NPR3: variants seen among roughly 807,000 people sequenced by gnomAD.
The protein encoded by NPR3 is atrial natriuretic peptide receptor 3.
In NPR3, 34 loss-of-function variants were observed where a neutral mutation model predicts 54.5. The observed-to-expected ratio is 0.62, with a 90% CI of 0.47 to 0.83. The LOEUF is 0.83. Ranked by LOEUF, NPR3 falls within the 40% of genes least tolerant of loss-of-function variation. The pLI is 0.00. For synonymous variants in NPR3, 289 were observed against 297.1 expected (o/e 0.97, Z 0.28); for missense variants, 674 against 720.8 (o/e 0.94, Z 0.74).
chr5:32,748,655 ACAG>A (rs1339393090), intron 3 of NPR3, among the ~76,000 whole-genome samples: 1 of 152,166 alleles, frequency 6.6e-6, no homozygotes, highest in African/African-American at 2.4e-5. Flanking sequence ...ATGTCAGCTG[ACAG>A]GGAAAGGGAC....
At chr5:32,756,998 T>G (rs942801363) in intron 3 of NPR3, among the ~76,000 whole-genome samples, 2 of 152,260 alleles carry the variant, frequency 1.3e-5, no homozygotes, top group African/African-American at 4.8e-5. Context: ...GCTGTTTTGG[T>G]TACTGTAGCC....
Position 32,738,866 on chromosome 5 carries a change from G to A in NPR3, c.895G>A (p.Asp299Asn), listed in dbSNP as rs1322446173. Residue 299 changes from aspartate to asparagine, a missense_variant and splice_region_variant, in exon 3 of 8, where the codon GAT becomes AAT. Coordinates refer to ENST00000265074, the MANE Select transcript of NPR3 (RefSeq NM_001204375.2). ...IELFNSSSYGDGSWKRGDKHD... is the reference protein window; with the variant it reads ...IELFNSSSYGNGSWKRGDKHD... The stretch of plus-strand genomic sequence containing the variant: ...AAATATTTTTATTTCTTCCATAGGA[G>A]ATGGCTCATGGAAGAGAGGAGACAA... 2 of 1,612,364 alleles carry A rather than the reference G, an allele frequency of 1.2e-6. No homozygotes were observed. The highest frequency in any genetic ancestry group is 2.7e-5 in the African/African-American group (2 of 74,874).
At chr5:32,724,915 C>A in intron 2 of NPR3, 95 bp downstream of exon 2, 1 of 1,325,114 alleles carries the variant, frequency 7.5e-7, no homozygotes, top group Non-Finnish European at 1.1e-6. Flanking sequence ...ATATGTGGTA[C>A]ATAAACACCA....
chr5:32,697,684 T>C (rs1481829721), intron 1 of NPR3, among the ~76,000 whole-genome samples: 1 of 152,106 alleles, frequency 6.6e-6, no homozygotes, highest in Admixed American at 6.5e-5. Flanking sequence ...TATTGGTCTG[T>C]TCAGGTTTTG....
intron 4 of NPR3, among the ~76,000 whole-genome samples, chr5:32,778,436 AC>A (rs1159955299): frequency 6.6e-6 from 1 of 152,206 alleles, no homozygotes; most frequent in African/African-American, 2.4e-5. Flanking sequence ...CCATTAAGTG[AC>A]CATTAAGTTG....
At chr5:32,760,537 C>A (rs1376959329) in intron 3 of NPR3, among the ~76,000 whole-genome samples, 1 of 151,962 alleles carries the variant, frequency 6.6e-6, no homozygotes. Flanking sequence ...ATTAGCCTGT[C>A]TTTTTATTGT....
chr5:32,694,636 A>C (rs1230152359), intron 1 of NPR3, among the ~76,000 whole-genome samples: 2 of 152,226 alleles, frequency 1.3e-5, no homozygotes, highest in African/African-American at 2.4e-5. Flanking sequence ...TACAATGCAT[A>C]ATAATCACAT....
chr5:32,771,499 G>A (rs1360541513), intron 3 of NPR3, among the ~76,000 whole-genome samples: 2 of 152,190 alleles, frequency 1.3e-5, no homozygotes, highest in Non-Finnish European at 2.9e-5. Context: ...TCCTATCCTG[G>A]ATTGTAGCGG....
intron 3 of NPR3, among the ~76,000 whole-genome samples, chr5:32,773,480 A>C (rs959604381): frequency 6.6e-6 from 1 of 152,062 alleles, no homozygotes; most frequent in Non-Finnish European, 1.5e-5. Flanking sequence ...TTACCTCTCC[A>C]TCTTGGTGTG....
chr5:32,763,072 C>G (rs1209674844), intron 3 of NPR3, among the ~76,000 whole-genome samples: 2 of 152,124 alleles, frequency 1.3e-5, no homozygotes, highest in Admixed American at 6.5e-5. Context: ...TTTCCAACAC[C>G]ATTTATTAAC....
At chr5:32,690,917 G>C (rs1366321539) in intron 1 of NPR3, among the ~76,000 whole-genome samples, 1 of 152,212 alleles carries the variant, frequency 6.6e-6, no homozygotes, top group African/African-American at 2.4e-5. Flanking sequence ...TGACCACCCC[G>C]GGTATTCTCC....
rs182891113 is a variant in NPR3, at chr5:32,765,131, G to A, written c.1060-9577G>A. 3.1e-4 allele frequency among the ~76,000 whole-genome samples: 47 copies of A among 152,242 alleles called. No homozygotes were observed. The East Asian group carries it at 3.9e-3, about 12-fold the overall frequency. ...TGCATTAAAAGTAATGGTAAGTACCGCAATTGCTAATAGTTATAGCGTGAG... is the reference window on the plus strand; with the variant it reads ...TGCATTAAAAGTAATGGTAAGTACCACAATTGCTAATAGTTATAGCGTGAG... On this transcript the variant is annotated intron_variant, in intron 3 of 7. Transcript: ENST00000265074.
chr5:32,768,878 G>T (rs1469114936), intron 3 of NPR3, among the ~76,000 whole-genome samples: 1 of 152,126 alleles, frequency 6.6e-6, no homozygotes, highest in Admixed American at 6.5e-5. Context: ...TATGCCAGAG[G>T]GTTCAGAGAT....
chr5:32,713,288 C>T, intron 1 of NPR3: 1 of 985,460 alleles, frequency 1.0e-6, no homozygotes, highest in Non-Finnish European at 1.2e-6. Context: ...AACCTTCTTT[C>T]CACCTGTCCC....
intron 2 of NPR3, among the ~76,000 whole-genome samples, chr5:32,730,988 A>G (rs764251915): frequency 9.4e-4 from 143 of 152,292 alleles, no homozygotes; most frequent in Admixed American, 2.7e-3. Flanking sequence ...ACTTTTCATG[A>G]GCCCATTATT....
At chr5:32,772,272 T>C (rs1363228739) in intron 3 of NPR3, among the ~76,000 whole-genome samples, 1 of 152,228 alleles carries the variant, frequency 6.6e-6, no homozygotes, top group Non-Finnish European at 1.5e-5. Flanking sequence ...TTACATGCAC[T>C]AGTTCATTTA....
In NPR3 at chr5:32,774,835, C is replaced by T; in HGVS notation, c.1187C>T (p.Thr396Ile). Reference sequence around the variant, plus strand: ...ATTATACAGCAGACTTGGAACAGAACATTTGAAGGTGGGGATTCCATCTAT... The same window carrying T: ...ATTATACAGCAGACTTGGAACAGAATATTTGAAGGTGGGGATTCCATCTAT... ...GKIIQQTWNR[T>I]FEGIAGQVSI... The change falls in exon 4 of 8, where the codon ACA becomes ATA. Residue 396 changes from threonine to isoleucine, a missense_variant. Physicochemically the swap from Thr to Ile is moderately conservative, Grantham distance 89 (BLOSUM62 -1). Transcript: ENST00000265074. 1 of 1,611,172 alleles carries T rather than the reference C, an allele frequency of 6.2e-7. No homozygotes were observed. Among genetic ancestry groups the T allele is most frequent in the Non-Finnish European group, 8.5e-7 (1 of 1,177,358 alleles).
At position 32,790,890 on chromosome 5, in the gene NPR3, A is replaced by G. The variant is rs1457729756; in HGVS notation, c.*4545A>G. The G allele has an allele frequency of 6.0e-6, 1 of 167,062 alleles. No homozygotes were observed. Among genetic ancestry groups the G allele is most frequent in the Non-Finnish European group, 1.5e-5 (1 of 68,120 alleles). 10.3% of individuals were successfully genotyped at this position (167,062 alleles called of 1,614,324 possible). On this transcript the variant is annotated 3_prime_UTR_variant, in exon 8 of 8. Transcript: ENST00000265074. Reference sequence around the variant, plus strand: ...GATGATTCATAGGGGAGAGATTTGAACAAGCAGAATTAAGTGTTAGCAAAA... The same window carrying G: ...GATGATTCATAGGGGAGAGATTTGAGCAAGCAGAATTAAGTGTTAGCAAAA...
intron 3 of NPR3, among the ~76,000 whole-genome samples, chr5:32,772,268 G>A (rs1318935512): frequency 6.6e-6 from 1 of 152,198 alleles, no homozygotes; most frequent in Non-Finnish European, 1.5e-5. Context: ...TGTTTTACAT[G>A]CACTAGTTCA....
Sources: allele counts gnomAD v4.1 joint callset (sites outside exome capture counted in the v4.1 genomes callset), GRCh38; gene constraint gnomAD v4.1.1; transcripts MANE v1.5; gene names NCBI Gene and HGNC (gene_info 2026-07-23, HGNC 2026-07-21).